Variants in ARL15 observed in about 807,000 individuals in gnomAD.
ARL15 encodes ARF like GTPase 15, also known as ADP-ribosylation factor-like protein 15.
ARL15 carries 19 observed loss-of-function variants against 25.2 expected under a neutral mutation model. That is an observed-to-expected ratio of 0.75 (90% CI 0.53 to 1.10). The LOEUF (loss-of-function observed/expected upper bound fraction) is 1.10, where lower values mean the gene tolerates loss of function less well. Among genes scored for constraint, ARL15 ranks in the 50% least tolerant of loss-of-function variants. The probability of loss-of-function intolerance (pLI) is 0.00; values close to 1 mark genes in which losing one functional copy is unlikely to be tolerated. For synonymous variants in ARL15, 94 were observed against 86.8 expected, an observed-to-expected ratio of 1.08 and a Z score of -0.46; for missense variants, 220 against 246.0, an observed-to-expected ratio of 0.89 and a Z score of 0.71.
intron 1 of ARL15, among the ~76,000 whole-genome samples, chr5:54,300,453 C>T (rs2112711004): frequency 6.6e-6 from 1 of 152,336 alleles, no homozygotes; most frequent in Admixed American, 6.5e-5. Flanking sequence ...GGTGACCCCA[C>T]CCTCCATCTG....
At chr5:54,244,449 T>C (rs1300346834) in intron 1 of ARL15, among the ~76,000 whole-genome samples, 1 of 152,174 alleles carries the variant, frequency 6.6e-6, no homozygotes, top group East Asian at 1.9e-4. Context: ...AAAATGAATG[T>C]ATTTTAATAC....
chr5:54,191,163 GTT>G lies in ARL15; in HGVS notation c.49-19237_49-19236del, dbSNP rs997376952. On this transcript the variant is annotated intron_variant, in intron 1 of 4. Coordinates refer to ENST00000504924, the MANE Select transcript of ARL15 (RefSeq NM_019087.3). ...GAAGTTGTGACATATGTTACAGCAT[GTT>G]TCAACCCTGAGGACATAAGACTAAG... Among the ~76,000 whole-genome samples, 6 of 152,146 alleles carry G rather than the reference GTT, an allele frequency of 3.9e-5. No individual in the cohort carries two copies. The East Asian group carries it at 1.2e-3, about 29-fold the overall frequency.
At chr5:53,942,760 A>G (rs1307540504) in intron 4 of ARL15, among the ~76,000 whole-genome samples, 1 of 151,956 alleles carries the variant, frequency 6.6e-6, no homozygotes, top group Non-Finnish European at 1.5e-5. Context: ...AAAACAAAAC[A>G]AAACAAAACA....
chr5:53,953,979 A>T (rs1310826585), intron 4 of ARL15, among the ~76,000 whole-genome samples: 1 of 152,090 alleles, frequency 6.6e-6, no homozygotes, highest in East Asian at 1.9e-4. Context: ...AACATATGGT[A>T]TAAGAATAGC....
At chr5:54,106,548 C>A (rs1027067791) in intron 4 of ARL15, among the ~76,000 whole-genome samples, 1 of 152,040 alleles carries the variant, frequency 6.6e-6, no homozygotes, top group Non-Finnish European at 1.5e-5. Flanking sequence ...CTATGCACAT[C>A]CTCCCATATA....
intron 4 of ARL15, among the ~76,000 whole-genome samples, chr5:54,003,676 CTATCTAT>C (rs1748923582): frequency 7.2e-6 from 1 of 138,668 alleles, no homozygotes; most frequent in African/African-American, 3.2e-5. Context: ...ATCTATCTAT[CTATCTAT>C]CTATCTATCT....
intron 2 of ARL15, among the ~76,000 whole-genome samples, chr5:54,165,950 T>A (rs573695079): frequency 2.0e-4 from 30 of 152,174 alleles, no homozygotes; most frequent in African/African-American, 6.7e-4. Flanking sequence ...GGCCTTCAAC[T>A]GGCTGGATGA....
At chr5:54,209,774 A>G (rs2112503921) in intron 1 of ARL15, among the ~76,000 whole-genome samples, 1 of 152,232 alleles carries the variant, frequency 6.6e-6, no homozygotes, top group East Asian at 1.9e-4. Context: ...TAATTTTTGA[A>G]CAGTTACTTG....
At chr5:53,995,842 A>G (rs200402854) in intron 4 of ARL15, among the ~76,000 whole-genome samples, 2 of 80,864 alleles carry the variant, frequency 2.5e-5, no homozygotes, top group East Asian at 6.5e-4. Context: ...CCCTAGGCAA[A>G]AAAGTACTTT....
intron 4 of ARL15, among the ~76,000 whole-genome samples, chr5:53,906,615 A>G (rs1431389733): frequency 6.6e-6 from 1 of 152,234 alleles, no homozygotes. Flanking sequence ...GACATAATAT[A>G]TTAACTAACA....
Position 54,255,337 on chromosome 5 carries a change from C to A in ARL15, c.48+55095G>T, listed in dbSNP as rs532366621. ...CCCTATAAACATAAAAAATAAAAAA[C>A]AAAGGAGAATGCTTAAAACATACAA... On this transcript the variant is annotated intron_variant, in intron 1 of 4. Transcript: ENST00000504924. 2.0e-5 allele frequency among the ~76,000 whole-genome samples: 3 copies of A among 151,912 alleles called. No homozygotes were observed. In the South Asian group the frequency reaches 6.2e-4, roughly 32 times the overall value.
At chr5:54,167,439 G>A (rs1754605629) in intron 2 of ARL15, among the ~76,000 whole-genome samples, 1 of 152,190 alleles carries the variant, frequency 6.6e-6, no homozygotes, top group Admixed American at 6.5e-5. Context: ...GACAATCACA[G>A]AGCACATCTC....
chr5:54,270,149 TA>T, intron 1 of ARL15, among the ~76,000 whole-genome samples: 1 of 152,356 alleles, frequency 6.6e-6, no homozygotes, highest in African/African-American at 2.4e-5. Context: ...GAATTATCAA[TA>T]TTTTTAAAGA....
At chr5:53,950,923 G>A (rs906795078) in intron 4 of ARL15, among the ~76,000 whole-genome samples, 1 of 152,186 alleles carries the variant, frequency 6.6e-6, no homozygotes, top group Admixed American at 6.5e-5. Flanking sequence ...TGTTCCTGAC[G>A]ATGGCTGGAC....
intron 4 of ARL15, among the ~76,000 whole-genome samples, chr5:53,924,184 C>T (rs1039379928): frequency 6.6e-6 from 1 of 152,214 alleles, no homozygotes; most frequent in Admixed American, 6.5e-5. Flanking sequence ...GAGGAGCAGA[C>T]TGAGAGCTTT....
chr5:53,956,725 C>A (rs1580116863), intron 4 of ARL15, among the ~76,000 whole-genome samples: 1 of 151,766 alleles, frequency 6.6e-6, no homozygotes, highest in South Asian at 2.1e-4. Context: ...GACATATGAA[C>A]AAATAGAGAC....
chr5:54,199,273 C>T (rs1755645122), intron 1 of ARL15, among the ~76,000 whole-genome samples: 1 of 152,006 alleles, frequency 6.6e-6, no homozygotes, highest in African/African-American at 2.4e-5. Context: ...AAAGCAATGG[C>T]AACAAAAGCC....
intron 4 of ARL15, chr5:53,951,643 C>A: frequency 2.4e-6 from 1 of 417,910 alleles, no homozygotes; most frequent in East Asian, 8.5e-5. Flanking sequence ...TACTCCTTCC[C>A]TATATATTTT....
At chr5:54,163,356 CTTTTTTTTTTTTTTTTTTT>C (rs869196680) in intron 2 of ARL15, among the ~76,000 whole-genome samples, 3 of 55,652 alleles carry the variant, frequency 5.4e-5, no homozygotes, top group Non-Finnish European at 6.9e-5. Flanking sequence ...TGGTATGAAG[CTTTTTTTTTTTTTTTTTTT>C]TTTTTTTTTT....
Sources: allele counts gnomAD v4.1 joint callset (sites outside exome capture counted in the v4.1 genomes callset), GRCh38; gene constraint gnomAD v4.1.1; transcripts MANE v1.5; gene names NCBI Gene and HGNC (gene_info 2026-07-23, HGNC 2026-07-21).